PLCE1: variants seen among roughly 807,000 people sequenced by gnomAD.
The protein encoded by PLCE1 is 1-phosphatidylinositol 4,5-bisphosphate phosphodiesterase epsilon-1.
A neutral mutation model predicts 242.8 loss-of-function variants in PLCE1; 119 were observed. The ratio of observed to expected loss-of-function variants is 0.49; its 90% CI spans 0.42 to 0.57. PLCE1 has a LOEUF of 0.57. Ranked by LOEUF, PLCE1 falls within the 20% of genes least tolerant of loss-of-function variation. The probability of loss-of-function intolerance (pLI) is 0.00; values close to 1 mark genes in which losing one functional copy is unlikely to be tolerated. For missense variants in PLCE1, 2,441 were observed against 2,788.8 expected (o/e 0.88, Z 2.81); for synonymous variants, 945 against 1,017.4 (o/e 0.93, Z 1.35).
intron 3 of PLCE1, among the ~76,000 whole-genome samples, chr10:94,166,300 A>G (rs1171575338): frequency 6.6e-6 from 1 of 152,196 alleles, no homozygotes; most frequent in African/African-American, 2.4e-5. Context: ...CCTAGAAGTA[A>G]GATTTCTAGT....
intron 2 of PLCE1, among the ~76,000 whole-genome samples, chr10:94,091,788 AG>A (rs1281121280): frequency 6.6e-6 from 1 of 152,160 alleles, no homozygotes; most frequent in Non-Finnish European, 1.5e-5. Flanking sequence ...TAGCAATAGA[AG>A]GGGGTTATGG....
rs547171032 is a variant in PLCE1 at position 94,260,930 on chromosome 10, G to C, written c.3815-1564G>C. 7.2e-5 allele frequency among the ~76,000 whole-genome samples: 11 copies of C among 152,242 alleles called. No individual in the cohort carries two copies. The South Asian group carries it at 2.3e-3, about 32-fold the overall frequency. On this transcript the variant is annotated intron_variant, in intron 13 of 32. Coordinates refer to ENST00000371380, the MANE Select transcript of PLCE1 (RefSeq NM_016341.4). ...TACTCTCCCACACAGACTTTCTTCT[G>C]TTAGTAATATCTGGCATTAGTGTAG...
intron 2 of PLCE1, among the ~76,000 whole-genome samples, chr10:94,038,436 C>T (rs932025293): frequency 2.6e-5 from 4 of 152,156 alleles, no homozygotes; most frequent in African/African-American, 9.7e-5. Flanking sequence ...CAGAGCTTCA[C>T]ATTAAATATA....
At chr10:94,237,889 G>T (rs1564817086) in intron 7 of PLCE1, among the ~76,000 whole-genome samples, 1 of 152,186 alleles carries the variant, frequency 6.6e-6, no homozygotes, top group Non-Finnish European at 1.5e-5. Flanking sequence ...TAGGAACTAT[G>T]CTTTGTTGAT....
At chr10:94,314,517 C>T (rs533416547) in intron 28 of PLCE1, among the ~76,000 whole-genome samples, 105 of 152,204 alleles carry the variant, frequency 6.9e-4, no homozygotes, top group African/African-American at 2.3e-3. Flanking sequence ...TCATTTGAAC[C>T]CAGGAGGCAG....
chr10:94,023,351 A>G (rs1269795033), intron 1 of PLCE1, among the ~76,000 whole-genome samples: 1 of 152,210 alleles, frequency 6.6e-6, no homozygotes, highest in African/African-American at 2.4e-5. Flanking sequence ...AGTGCCATCT[A>G]AAATCTTGTG....
At chr10:94,202,505 AC>A (rs1269532622) in intron 4 of PLCE1, among the ~76,000 whole-genome samples, 1 of 152,108 alleles carries the variant, frequency 6.6e-6, no homozygotes, top group Non-Finnish European at 1.5e-5. Flanking sequence ...AGCTGACGCT[AC>A]CCCGACTCCT....
chr10:94,234,085 A>C lies in PLCE1; in HGVS notation c.1987A>C (p.Met663Leu). Residue 663 changes from methionine (M) to leucine (L), a missense_variant, in exon 6 of 33, where the codon ATG (methionine) becomes CTG (leucine). By Grantham distance (15) the Met-to-Leu change is conservative. Coordinates refer to ENST00000371380, the MANE Select transcript of PLCE1 (RefSeq NM_016341.4). ...AAAAGTTTTAAAAATGTGGCAGTTCATGGACCAGTCTGATATTGAGACCAT... is the reference window on the plus strand; with the variant it reads ...AAAAGTTTTAAAAATGTGGCAGTTCCTGGACCAGTCTGATATTGAGACCAT... ...SRKVLKMWQF[M>L]DQSDIETMRS... The C allele has an allele frequency of 6.2e-7, 1 of 1,614,056 alleles. No homozygotes were observed. Among genetic ancestry groups the C allele is most frequent in the Non-Finnish European group, 8.5e-7 (1 of 1,179,910 alleles).
chr10:94,211,326 C>A (rs1174937979), intron 4 of PLCE1, among the ~76,000 whole-genome samples: 2 of 152,204 alleles, frequency 1.3e-5, no homozygotes, highest in Non-Finnish European at 2.9e-5. Context: ...ACTGTCTTCA[C>A]AGAGATGACA....
At chr10:94,267,214 A>G (rs550240417) in intron 16 of PLCE1, among the ~76,000 whole-genome samples, 2 of 152,360 alleles carry the variant, frequency 1.3e-5, no homozygotes, top group Admixed American at 6.5e-5. Context: ...GCATATATAC[A>G]TATCTATGTA....
intron 24 of PLCE1, among the ~76,000 whole-genome samples, chr10:94,299,210 A>G (rs374377055): frequency 4.5e-4 from 68 of 152,358 alleles, no homozygotes; most frequent in African/African-American, 1.6e-3. Context: ...TGTTTCTCCA[A>G]TGTCAATGAG....
At chr10:94,287,967 A>G (rs968203190) in intron 22 of PLCE1, among the ~76,000 whole-genome samples, 7 of 151,732 alleles carry the variant, frequency 4.6e-5, no homozygotes, top group Admixed American at 4.6e-4. Flanking sequence ...AGACTCTTCA[A>G]CTCATTGTGA....
intron 2 of PLCE1, among the ~76,000 whole-genome samples, chr10:94,072,250 C>G (rs4918074): frequency 0.93 from 142,254 of 152,192 alleles, 66,549 homozygotes; most frequent in South Asian, 0.98. Context: ...CCTGAATTAC[C>G]CATTTCTTTC....
At chr10:94,164,614 C>T (rs2047729649) in intron 3 of PLCE1, among the ~76,000 whole-genome samples, 1 of 152,206 alleles carries the variant, frequency 6.6e-6, no homozygotes. Context: ...GTTTGATTGT[C>T]TGAAGCCTTC....
chr10:94,060,536 A>G (rs1589938671), intron 2 of PLCE1, among the ~76,000 whole-genome samples: 1 of 152,130 alleles, frequency 6.6e-6, no homozygotes, highest in East Asian at 1.9e-4. Context: ...TTGAATGAGT[A>G]CTCGTGTGGC....
At chr10:94,021,793 T>C (rs1249158701) in intron 1 of PLCE1, among the ~76,000 whole-genome samples, 1 of 152,156 alleles carries the variant, frequency 6.6e-6, no homozygotes, top group South Asian at 2.1e-4. Context: ...TTCACGATGT[T>C]AACCTATTAA....
chr10:94,279,433 G>A (rs866787426), intron 19 of PLCE1: 1 of 325,668 alleles, frequency 3.1e-6, no homozygotes, highest in Non-Finnish European at 5.7e-6. Context: ...CTGAAAAATT[G>A]ATGGGTGATT....
chr10:94,093,539 A>C (rs534754888), intron 2 of PLCE1, among the ~76,000 whole-genome samples: 1 of 152,268 alleles, frequency 6.6e-6, no homozygotes, highest in Non-Finnish European at 1.5e-5. Context: ...ACAGACAGTC[A>C]GTGTCCATTA....
At chr10:94,295,465 T>G (rs111481405) in intron 23 of PLCE1, among the ~76,000 whole-genome samples, 1 of 152,204 alleles carries the variant, frequency 6.6e-6, no homozygotes, top group African/African-American at 2.4e-5. Context: ...CTTCTAGTTC[T>G]CTTGCTGTTT....
Sources: gnomAD v4.1 joint callset for allele counts (sites outside exome capture counted in the v4.1 genomes callset) on GRCh38, gnomAD v4.1.1 for gene constraint, MANE v1.5 for transcripts, NCBI Gene and HGNC (gene_info 2026-07-23, HGNC 2026-07-21) for gene names.